Variants in QRICH2 observed in about 807,000 individuals in gnomAD.
The protein encoded by QRICH2 is glutamine rich 2.
QRICH2 carries 119 observed loss-of-function variants against 168.3 expected under a neutral mutation model. The observed-to-expected ratio is 0.71, with a 90% CI of 0.61 to 0.82. QRICH2 has a LOEUF of 0.82. Among genes scored for constraint, QRICH2 ranks in the 40% least tolerant of loss-of-function variants. The pLI, the probability that QRICH2 is intolerant of heterozygous loss-of-function variation, is 0.00. For synonymous variants in QRICH2, 894 were observed against 951.2 expected (o/e 0.94, Z 1.11); for missense variants, 2,241 against 2,491.6 (o/e 0.90, Z 2.14).
intron 3 of QRICH2, among the ~76,000 whole-genome samples, chr17:76,296,227 A>G (rs2070791507): frequency 6.6e-6 from 1 of 152,196 alleles, no homozygotes. Context: ...TATCTCAAAA[A>G]AACAAACAAA....
At chr17:76,301,472 G>C (rs964014968) in intron 3 of QRICH2, 8 of 234,222 alleles carry the variant, frequency 3.4e-5, no homozygotes, top group Non-Finnish European at 7.2e-5. Flanking sequence ...GGAGGCTGAG[G>C]CAGGAGGATT....
rs2070767442 is a variant in QRICH2, at chr17:76,280,514, TG to T, written c.4462-64del. ...ATGGCCATGGAGGGGCCCCATTCCCTGGGGGTGTCGACCCCTATCACCAGGC... is the reference window on the plus strand; with the variant it reads ...ATGGCCATGGAGGGGCCCCATTCCCTGGGGTGTCGACCCCTATCACCAGGC... On this transcript the variant is annotated intron_variant, in intron 10 of 18. Coordinates refer to ENST00000680821, the MANE Select transcript of QRICH2 (RefSeq NM_001388453.1). This position sits in a 1 kb window ranked among gnomAD's most constrained non-coding sequence, Gnocchi z 7.4. 2 of 1,598,808 alleles carry T rather than the reference TG, an allele frequency of 1.3e-6. No individual in the cohort carries two copies. The highest frequency in any genetic ancestry group is 1.3e-5 in the African/African-American group (1 of 74,792).
Position 76,292,507 on chromosome 17 carries a change from C to T in QRICH2, c.2220G>A (p.Leu740=), listed in dbSNP as rs1351229714. Residue 740 remains leucine, a synonymous_variant, in exon 4 of 19, where the codon TTG becomes TTA. Transcript: ENST00000680821. ...LVQPGVDQRG[L]AQPRADHQRG... is the part of the protein sequence containing the mutation. ...GCTGATGATCTGCACGAGGTTGTGC[C>T]AAACCACGCTGATCTACTCCAGGTT... The T allele has an allele frequency of 6.4e-7, 1 of 1,568,876 alleles. No individual in the cohort carries two copies. The highest frequency in any genetic ancestry group is 1.4e-5 in the African/African-American group (1 of 72,084).
chr17:76,281,903 G>A lies in QRICH2; in HGVS notation c.4224C>T (p.Ala1408=), dbSNP rs765756749. Residue 1408 remains alanine, a synonymous_variant, in exon 8 of 19, where the codon GCC becomes GCT. Coordinates refer to ENST00000680821, the MANE Select transcript of QRICH2 (RefSeq NM_001388453.1). This position sits in a 1 kb window ranked among gnomAD's most constrained non-coding sequence, Gnocchi z 4.4. The part of the protein sequence containing the change: ...EQLQDMVNSL[A]VSRPSKKAKL... ...TGGCCTTCTTGGAGGGTCGGGAGACGGCCAGGCTGTTGACCATGTCTTGGA... is the reference window on the plus strand; with the variant it reads ...TGGCCTTCTTGGAGGGTCGGGAGACAGCCAGGCTGTTGACCATGTCTTGGA... The A allele has an allele frequency of 2.2e-5, 35 of 1,613,590 alleles. No individual in the cohort carries two copies. Among genetic ancestry groups the A allele is most frequent in the Admixed American group, 1.8e-4 (11 of 60,002 alleles).
chr17:76,295,138 C>T (rs184651489), intron 3 of QRICH2, among the ~76,000 whole-genome samples: 239 of 151,392 alleles, frequency 1.6e-3, no homozygotes, highest in South Asian at 4.2e-3. Flanking sequence ...ACGTGCCTGT[C>T]GTCCCAGCTA....
At position 76,307,642 on chromosome 17, in the gene QRICH2, A is replaced by T. The variant is rs2071011826; in HGVS notation, c.357T>A (p.Arg119=). ...QVEDLSKQLK[R]VDGQVQGIAT... is the part of the protein sequence containing the mutation. ...CGATGCCCTGCACCTGGCCGTCCAC[A>T]CGCTTGAGCTGCTTGCTCAGGTCCT... Residue 119 remains arginine (R), a synonymous_variant, in exon 1 of 19, where the codon CGT becomes CGA. Coordinates refer to ENST00000680821, the MANE Select transcript of QRICH2 (RefSeq NM_001388453.1). The surrounding 1 kb of genome is among the most constrained non-coding windows in gnomAD (Gnocchi z 5.3). The T allele has an allele frequency of 5.4e-6, 8 of 1,488,516 alleles. No homozygotes were observed. In the South Asian group the frequency reaches 1.1e-4, roughly 20 times the overall value. 92.2% of individuals were successfully genotyped at this position (1,488,516 alleles called of 1,614,324 possible). A position where few individuals can be genotyped will look rare whatever the true frequency, so the allele number is the denominator to read the frequency against.
At position 76,280,719 on chromosome 17, in the gene QRICH2, G is replaced by A; in HGVS notation, c.4396C>T (p.Gln1466Ter). ...QKQKDIAMLY[Q>*]GLEKLEKEKA... ...TCCTTTTCGAGCTTCTCCAGACCCT[G>A]GTACAGCATCTGGGGAGGCCAAGTG... is the stretch of plus-strand genomic sequence containing the variant. The change falls in exon 10 of 19, where the codon CAG becomes TAG. Residue 1466 changes from glutamine to a stop codon, truncating the protein, a stop_gained. Transcript: ENST00000680821. LOFTEE classifies it high-confidence loss of function. This position sits in a 1 kb window ranked among gnomAD's most constrained non-coding sequence, Gnocchi z 7.4. 6.2e-7 allele frequency: 1 copy of A among 1,614,148 alleles called. No individual in the cohort carries two copies. Among genetic ancestry groups the A allele is most frequent in the East Asian group, 2.2e-5 (1 of 44,882 alleles).
chr17:76,307,039 A>C lies in QRICH2; in HGVS notation c.534+426T>G, dbSNP rs1463603973. The stretch of plus-strand genomic sequence containing the variant: ...TCTCTTCATGTCCTTATTCATTTTA[A>C]AAAGGGAATTCACTCTAAGAATCTT... On this transcript the variant is annotated intron_variant, in intron 1 of 18. Coordinates refer to ENST00000680821, the MANE Select transcript of QRICH2 (RefSeq NM_001388453.1). This position sits in a 1 kb window ranked among gnomAD's most constrained non-coding sequence, Gnocchi z 5.3. 6.6e-6 allele frequency among the ~76,000 whole-genome samples: 1 copy of C among 152,044 alleles called. No individual in the cohort carries two copies. Among genetic ancestry groups the C allele is most frequent in the East Asian group, 1.9e-4 (1 of 5,188 alleles).
At chr17:76,296,753 G>A (rs1430540591) in intron 3 of QRICH2, among the ~76,000 whole-genome samples, 7 of 148,178 alleles carry the variant, frequency 4.7e-5, no homozygotes, top group African/African-American at 1.8e-4. Flanking sequence ...ACTCCGGCCT[G>A]GGCAACAGAG....
In QRICH2 at chr17:76,304,877, A is replaced by G. The variant is rs2070965458; in HGVS notation, c.594+5T>C. On this transcript the variant is annotated splice_donor_5th_base_variant and intron_variant, in intron 2 of 18. Coordinates refer to ENST00000680821, the MANE Select transcript of QRICH2 (RefSeq NM_001388453.1). The stretch of plus-strand genomic sequence containing the variant: ...GCCCTTTCCCATGGAACTGGCTGGT[A>G]TTACCAGGAATTGCTCCCGATCTTT... 4 of 1,607,600 alleles carry G rather than the reference A, an allele frequency of 2.5e-6. No individual in the cohort carries two copies. Among genetic ancestry groups the G allele is most frequent in the Non-Finnish European group, 3.4e-6 (4 of 1,174,060 alleles).
chr17:76,299,266 A>G (rs1430931879), intron 3 of QRICH2, among the ~76,000 whole-genome samples: 1 of 152,134 alleles, frequency 6.6e-6, no homozygotes, highest in Admixed American at 6.6e-5. Context: ...AAGCAAGCCA[A>G]CTTTGAGGGC....
chr17:76,297,511 GA>G (rs56843706), intron 3 of QRICH2, among the ~76,000 whole-genome samples: 52,817 of 147,408 alleles, frequency 0.36, 12,018 homozygotes, highest in African/African-American at 0.65. Context: ...CATCTCAAAA[GA>G]AAAAAAAAAT....
At chr17:76,295,952 C>T (rs887531510) in intron 3 of QRICH2, among the ~76,000 whole-genome samples, 3 of 152,216 alleles carry the variant, frequency 2.0e-5, no homozygotes, top group African/African-American at 7.2e-5. Flanking sequence ...AGGCTGGGCG[C>T]AGTGGCTCAC....
At chr17:76,288,349 A>C (rs2070927600) in intron 5 of QRICH2, among the ~76,000 whole-genome samples, 1 of 136,712 alleles carries the variant, frequency 7.3e-6, no homozygotes, top group Non-Finnish European at 1.5e-5. Flanking sequence ...GTGCCACTGC[A>C]CTCCAGCCTG....
chr17:76,299,182 C>G (rs868775307), intron 3 of QRICH2, among the ~76,000 whole-genome samples: 5 of 152,118 alleles, frequency 3.3e-5, no homozygotes, highest in Admixed American at 1.3e-4. Flanking sequence ...AAATGGCCCT[C>G]AAAGATGAGG....
At chr17:76,297,350 T>C (rs2070813409) in intron 3 of QRICH2, among the ~76,000 whole-genome samples, 1 of 151,886 alleles carries the variant, frequency 6.6e-6, no homozygotes. Context: ...CTACTAAAAA[T>C]ACAAAAATTA....
chr17:76,294,080 A>G, intron 3 of QRICH2, 59 bp from the exon 4 acceptor site: 3 of 1,520,800 alleles, frequency 2.0e-6, no homozygotes. Flanking sequence ...TCAGAGTGGG[A>G]AGAAAGGAAA....
chr17:76,275,691 C>T (rs751017160), intron 18 of QRICH2, 128 bp downstream of exon 18: 4 of 1,239,346 alleles, frequency 3.2e-6, no homozygotes, highest in Non-Finnish European at 4.4e-6. Flanking sequence ...CTTTTCCACA[C>T]CCATCCCCCC....
intron 14 of QRICH2, 47 bp downstream of exon 14, chr17:76,278,994 G>A: frequency 6.6e-7 from 1 of 1,504,314 alleles, no homozygotes; most frequent in Non-Finnish European, 9.2e-7. Flanking sequence ...CCCATCCAGA[G>A]CCCTGGCCCC....
Sources: allele counts gnomAD v4.1 joint callset (sites outside exome capture counted in the v4.1 genomes callset), GRCh38; gene constraint gnomAD v4.1.1; non-coding constraint Gnocchi (gnomAD v3.1); transcripts MANE v1.5; gene names NCBI Gene and HGNC (gene_info 2026-07-23, HGNC 2026-07-21).